Variants in DNAH17 observed in about 807,000 individuals in gnomAD.
The protein encoded by DNAH17 is dynein axonemal heavy chain 17.
A neutral mutation model predicts 485.6 loss-of-function variants in DNAH17; 376 were observed. That is an observed-to-expected ratio of 0.77 (90% CI 0.71 to 0.84). The LOEUF is 0.84. Ranked by LOEUF, DNAH17 falls within the 40% of genes least tolerant of loss-of-function variation. The pLI, the probability that DNAH17 is intolerant of heterozygous loss-of-function variation, is 0.00. For missense variants in DNAH17, 6,370 were observed against 5,839.3 expected, an observed-to-expected ratio of 1.09 and a Z score of -2.96; for synonymous variants, 3,031 against 2,405.9, an observed-to-expected ratio of 1.26 and a Z score of -7.60.
rs1232384369 is a variant in DNAH17 at position 78,529,020 on chromosome 17, T to C, written c.3507+452A>G. Among the ~76,000 whole-genome samples, 4 of 151,882 alleles carry C rather than the reference T, an allele frequency of 2.6e-5. No homozygotes were observed. In the East Asian group the frequency reaches 7.8e-4, roughly 30 times the overall value. On this transcript the variant is annotated intron_variant, in intron 22 of 80. Transcript: ENST00000389840. Reference sequence around the variant, plus strand: ...GTGCAGTGGTGCGATCTCAGCTCACTGCAACATCTGCCTCCCTGGTTCAAG... The same window carrying C: ...GTGCAGTGGTGCGATCTCAGCTCACCGCAACATCTGCCTCCCTGGTTCAAG...
intron 26 of DNAH17, chr17:78,510,758 C>CCT (rs1555679578): frequency 1.0e-5 from 4 of 394,434 alleles, no homozygotes; most frequent in Non-Finnish European, 1.9e-5. Context: ...GCGGCCCCCC[C>CCT]GCAAAATTCA....
intron 77 of DNAH17, 22 bp downstream of exon 77, chr17:78,428,503 G>A (rs2086560030): frequency 6.4e-7 from 1 of 1,574,252 alleles, no homozygotes; most frequent in East Asian, 2.3e-5. Context: ...CTCTCGCTTG[G>A]GAGCAGTTTC....
At chr17:78,438,438 A>AGGG (rs1555651757) in intron 73 of DNAH17, among the ~76,000 whole-genome samples, 2 of 75,036 alleles carry the variant, frequency 2.7e-5, no homozygotes, top group African/African-American at 6.6e-5. Flanking sequence ...GAGGAGGAGG[A>AGGG]GGAGGAGGGA....
chr17:78,478,170 A>G (rs2089158267), intron 51 of DNAH17, among the ~76,000 whole-genome samples: 1 of 139,906 alleles, frequency 7.1e-6, no homozygotes, highest in African/African-American at 2.7e-5. Context: ...CCACCATAAC[A>G]TCACCATCAT....
At chr17:78,429,840 CCA>C (rs2086612691) in intron 75 of DNAH17, among the ~76,000 whole-genome samples, 1 of 152,212 alleles carries the variant, frequency 6.6e-6, no homozygotes, top group Non-Finnish European at 1.5e-5. Flanking sequence ...AGTCTCCCTT[CCA>C]CCCTGTGGAA....
Position 78,486,008 on chromosome 17 carries a change from C to T in DNAH17, c.7227G>A (p.Trp2409Ter). Residue 2409 changes from tryptophan to a stop codon, truncating the protein, a stop_gained, in exon 46 of 81, where the codon TGG becomes TGA. Coordinates refer to ENST00000389840, the MANE Select transcript of DNAH17 (RefSeq NM_173628.4). LOFTEE classifies it high-confidence loss of function. ...IDPDTKKFLP[W>*]TDKVPSFELD... is the part of the protein sequence containing the mutation. ...GCTCAAAGGAGGGCACTTTATCTGT[C>T]CAGGGCAGGAACTTTTTTGTGTCAG... 3.1e-6 allele frequency: 5 copies of T among 1,613,820 alleles called. No individual in the cohort carries two copies. The highest frequency in any genetic ancestry group is 4.2e-6 in the Non-Finnish European group (5 of 1,179,878).
At chr17:78,452,145 C>G (rs567260144) in intron 65 of DNAH17, among the ~76,000 whole-genome samples, 1 of 152,068 alleles carries the variant, frequency 6.6e-6, no homozygotes, top group Non-Finnish European at 1.5e-5. Context: ...AGCTTCACCC[C>G]TCAGCACTCA....
intron 62 of DNAH17, among the ~76,000 whole-genome samples, chr17:78,456,268 C>T (rs554225717): frequency 6.6e-5 from 10 of 152,298 alleles, no homozygotes; most frequent in African/African-American, 2.4e-4. Context: ...CACTGCATTC[C>T]AGCCTGGGTA....
chr17:78,544,945 GT>G (rs935232787), intron 16 of DNAH17, among the ~76,000 whole-genome samples: 2 of 150,744 alleles, frequency 1.3e-5, no homozygotes, highest in African/African-American at 2.4e-5. Flanking sequence ...CACCTAATAA[GT>G]TTTTTTTGTC....
chr17:78,534,576 G>A (rs1248980455), intron 19 of DNAH17, among the ~76,000 whole-genome samples: 2 of 152,194 alleles, frequency 1.3e-5, no homozygotes, highest in African/African-American at 2.4e-5. Flanking sequence ...GGTTGGGAGT[G>A]CAGTGTTCAG....
At chr17:78,468,561 T>G (rs907672896) in intron 55 of DNAH17, 56 bp downstream of exon 55, 1 of 1,563,596 alleles carries the variant, frequency 6.4e-7, no homozygotes, top group African/African-American at 1.4e-5. Context: ...CCATACCCTG[T>G]AGGCCACGGG....
intron 71 of DNAH17, 42 bp from the exon 72 acceptor site, chr17:78,441,241 T>C (rs2087062891): frequency 6.2e-7 from 1 of 1,609,322 alleles, no homozygotes; most frequent in Non-Finnish European, 8.5e-7. Flanking sequence ...CCTGAGGCTC[T>C]GGGCCAGGGC....
At chr17:78,526,504 A>G (rs369335372) in intron 24 of DNAH17, 147 bp downstream of exon 24, 5 of 633,998 alleles carry the variant, frequency 7.9e-6, no homozygotes, top group East Asian at 2.9e-5. Context: ...ACGTATGTGC[A>G]TGCATACACA....
At chr17:78,439,351 T>A in intron 72 of DNAH17, 134 bp from the exon 73 acceptor site, 1 of 1,100,778 alleles carries the variant, frequency 9.1e-7, no homozygotes, top group Middle Eastern at 3.1e-4. Context: ...GACATAAAAC[T>A]TGCTGTTTTA....
chr17:78,566,273 C>T (rs1167634549), intron 11 of DNAH17, among the ~76,000 whole-genome samples: 1 of 152,148 alleles, frequency 6.6e-6, no homozygotes, highest in Non-Finnish European at 1.5e-5. Context: ...ATTTTTACAC[C>T]AACTTTACCT....
rs780919915 is a variant in DNAH17, at chr17:78,569,501, C to A, written c.1071G>T (p.Glu357Asp). Reference protein sequence around the residue: ...EMTRTFLSPEEVLKGLQGEIE... With the variant: ...EMTRTFLSPEDVLKGLQGEIE... ...TTTCACCTTGCAGGCCCTTCAGCAC[C>A]TCTTCCGGGCTCAGGAAGGTTCGTG... The change falls in exon 8 of 81, where the codon GAG becomes GAT. Residue 357 changes from glutamate (E) to aspartate (D), a missense_variant. Transcript: ENST00000389840. 6.2e-7 allele frequency: 1 copy of A among 1,608,396 alleles called. No homozygotes were observed. Among genetic ancestry groups the A allele is most frequent in the Middle Eastern group, 1.7e-4 (1 of 6,056 alleles).
intron 1 of DNAH17, among the ~76,000 whole-genome samples, chr17:78,576,130 G>A (rs575359068): frequency 6.6e-6 from 1 of 152,222 alleles, no homozygotes; most frequent in African/African-American, 2.4e-5. Context: ...AAGCATCAGG[G>A]TGGACAGATG....
At position 78,486,025 on chromosome 17, in the gene DNAH17, T is replaced by G. The variant is rs368662276; in HGVS notation, c.7210A>C (p.Lys2404Gln). ...IFDYYIDPDTKKFLPWTDKVP... is the reference protein window; with the variant it reads ...IFDYYIDPDTQKFLPWTDKVP... ...TTATCTGTCCAGGGCAGGAACTTTT[T>G]TGTGTCAGGATCAATGTAGTAGTCA... is the stretch of plus-strand genomic sequence containing the variant. The change falls in exon 46 of 81, where the codon AAA (lysine) becomes CAA (glutamine). Residue 2404 changes from lysine (K) to glutamine (Q), a missense_variant. Coordinates refer to ENST00000389840, the MANE Select transcript of DNAH17 (RefSeq NM_173628.4). 14 of 1,613,832 alleles carry G rather than the reference T, an allele frequency of 8.7e-6. No homozygotes were observed. The highest frequency in any genetic ancestry group is 3.3e-4 in the Middle Eastern group (2 of 6,084).
intron 43 of DNAH17, 128 bp downstream of exon 43, chr17:78,491,315 A>C (rs1407444066): frequency 7.4e-7 from 1 of 1,343,568 alleles, no homozygotes; most frequent in African/African-American, 1.5e-5. Flanking sequence ...CTTCCTGTGG[A>C]GATCCAGACA....
Sources: allele counts gnomAD v4.1 joint callset (sites outside exome capture counted in the v4.1 genomes callset), GRCh38; gene constraint gnomAD v4.1.1; transcripts MANE v1.5; gene names NCBI Gene and HGNC (gene_info 2026-07-23, HGNC 2026-07-21).